Variants in PTPN12 observed in about 807,000 individuals in gnomAD.
PTPN12 encodes the protein tyrosine-protein phosphatase non-receptor type 12.
In PTPN12, 29 loss-of-function variants were observed where a neutral mutation model predicts 97.6. The observed-to-expected ratio is 0.30, with a 90% CI of 0.22 to 0.41. The LOEUF is 0.41. PTPN12 is among the 10% of genes least tolerant of loss of function. PTPN12 has a pLI of 1.00. For missense variants in PTPN12, 819 were observed against 926.0 expected (o/e 0.88, Z 1.50); for synonymous variants, 327 against 300.4 (o/e 1.09, Z -0.91).
Position 77,551,328 on chromosome 7 carries a change from T to A in PTPN12, c.99+13683T>A, listed in dbSNP as rs555874358. Among the ~76,000 whole-genome samples, 5 of 152,358 alleles carry A rather than the reference T, an allele frequency of 3.3e-5. No homozygotes were observed. The East Asian group carries it at 9.6e-4, about 29-fold the overall frequency. On this transcript the variant is annotated intron_variant, in intron 1 of 17. Coordinates refer to ENST00000248594, the MANE Select transcript of PTPN12 (RefSeq NM_002835.4). ...CACCCGCCTTGGCCTCCCAAAGTGC[T>A]GAGATTACAGGCATGACAGTTTAAC...
Position 77,546,674 on chromosome 7 carries a change from A to T in PTPN12, c.99+9029A>T, listed in dbSNP as rs553954526. 4.1e-4 allele frequency among the ~76,000 whole-genome samples: 62 copies of T among 152,324 alleles called. 1 individual carries two copies. Among genetic ancestry groups the T allele is most frequent in the African/African-American group, 1.4e-3 (59 of 41,576 alleles). ...GTGGACTGTATTAGTCCATTTTCAC[A>T]CTGCTATGAAGAACTGCCCGAGACT... On this transcript the variant is annotated intron_variant, in intron 1 of 17. Coordinates refer to ENST00000248594, the MANE Select transcript of PTPN12 (RefSeq NM_002835.4).
intron 17 of PTPN12, 151 bp from the exon 18 acceptor site, chr7:77,639,068 T>C: frequency 2.9e-6 from 2 of 683,440 alleles, no homozygotes; most frequent in African/African-American, 1.8e-5. Flanking sequence ...TACAATTGTT[T>C]TGCATTTACC....
intron 1 of PTPN12, among the ~76,000 whole-genome samples, chr7:77,561,357 T>A (rs1807986577): frequency 6.6e-6 from 1 of 152,192 alleles, no homozygotes; most frequent in Non-Finnish European, 1.5e-5. Context: ...AAGATTTTGA[T>A]GCCTGTTGGA....
intron 5 of PTPN12, among the ~76,000 whole-genome samples, chr7:77,591,385 A>G (rs1307060146): frequency 6.6e-6 from 1 of 152,144 alleles, no homozygotes; most frequent in African/African-American, 2.4e-5. Flanking sequence ...GAATCATTCT[A>G]TTTTCCATAA....
intron 1 of PTPN12, among the ~76,000 whole-genome samples, chr7:77,541,153 C>G (rs1157282535): frequency 6.6e-6 from 1 of 152,160 alleles, no homozygotes; most frequent in Admixed American, 6.5e-5. Flanking sequence ...TGCATGGTTG[C>G]GATCCTGGCT....
At chr7:77,608,355 G>A (rs988605819) in intron 9 of PTPN12, among the ~76,000 whole-genome samples, 1 of 152,172 alleles carries the variant, frequency 6.6e-6, no homozygotes, top group Non-Finnish European at 1.5e-5. Flanking sequence ...TTTATTGTTA[G>A]TGTTGATTAC....
intron 13 of PTPN12, among the ~76,000 whole-genome samples, chr7:77,628,227 C>G (rs1279124316): frequency 1.3e-5 from 2 of 152,138 alleles, no homozygotes; most frequent in African/African-American, 4.8e-5. Context: ...CTGCTCAATT[C>G]AGTAGTGAGT....
At position 77,537,494 on chromosome 7, in the gene PTPN12, G is replaced by A; in HGVS notation, c.-53G>A. On this transcript the variant is annotated 5_prime_UTR_variant, in exon 1 of 18. Coordinates refer to ENST00000248594, the MANE Select transcript of PTPN12 (RefSeq NM_002835.4). ...GGGAAGACGGAGCGGGCTCTGTGCC[G>A]GGCGGGCGGGCGGCGGGGGGGCCAG... The A allele has an allele frequency of 4.0e-6, 6 of 1,518,982 alleles. No individual in the cohort carries two copies. The highest frequency in any genetic ancestry group is 5.3e-6 in the Non-Finnish European group (6 of 1,132,068). The allele number at this position is 1,518,982 out of a possible 1,614,324, so 94.1% of individuals were successfully genotyped here. A position where few individuals can be genotyped will look rare whatever the true frequency, so the allele number is the denominator to read the frequency against.
Position 77,537,552 on chromosome 7 carries a change from G to C in PTPN12, c.6G>C (p.Glu2Asp). 1 of 1,596,054 alleles carries C rather than the reference G, an allele frequency of 6.3e-7. No homozygotes were observed. Residue 2 changes from glutamate to aspartate, a missense_variant, in exon 1 of 18, where the codon GAG (glutamate) becomes GAC (aspartate). Around this residue, in one of 5 missense-constraint regions of PTPN12, gnomAD observed 59 missense variants for 42.2 expected, o/e 1.40. Coordinates refer to ENST00000248594, the MANE Select transcript of PTPN12 (RefSeq NM_002835.4). ...AGCCGGGGGGACGCGGGAGGATGGA[G>C]CAAGTGGAGATCCTGAGGAAATTCA... M[E>D]QVEILRKFIQ...
chr7:77,588,959 A>G (rs1040371676), intron 5 of PTPN12, among the ~76,000 whole-genome samples: 1 of 152,074 alleles, frequency 6.6e-6, no homozygotes, highest in Admixed American at 6.6e-5. Flanking sequence ...TGCAACCTCC[A>G]TCTCCCGGGT....
chr7:77,577,923 G>A (rs1787390322), intron 2 of PTPN12, among the ~76,000 whole-genome samples: 2 of 152,074 alleles, frequency 1.3e-5, no homozygotes, highest in South Asian at 4.1e-4. Flanking sequence ...AAATAAGATT[G>A]GCAAAATGTT....
chr7:77,545,103 G>T (rs1209796888), intron 1 of PTPN12, among the ~76,000 whole-genome samples: 2 of 152,178 alleles, frequency 1.3e-5, no homozygotes, highest in African/African-American at 4.8e-5. Flanking sequence ...ATCATACTTT[G>T]TTGACATTGT....
chr7:77,588,971 C>T (rs1008763452), intron 5 of PTPN12, among the ~76,000 whole-genome samples: 1 of 152,090 alleles, frequency 6.6e-6, no homozygotes, highest in African/African-American at 2.4e-5. Context: ...CTCCCGGGTT[C>T]AGGTATATTT....
intron 1 of PTPN12, among the ~76,000 whole-genome samples, chr7:77,552,971 G>C (rs1016830552): frequency 1.3e-5 from 2 of 152,202 alleles, no homozygotes; most frequent in Non-Finnish European, 2.9e-5. Context: ...TAAATAAATA[G>C]GAGGGGAAAA....
intron 1 of PTPN12, among the ~76,000 whole-genome samples, chr7:77,560,370 T>A (rs917111441): frequency 1.6e-4 from 25 of 152,206 alleles, no homozygotes; most frequent in South Asian, 6.2e-4. Context: ...CCTTAAAAAA[T>A]TTTTTTTAAT....
At chr7:77,560,475 C>A (rs1188778833) in intron 1 of PTPN12, among the ~76,000 whole-genome samples, 1 of 152,112 alleles carries the variant, frequency 6.6e-6, no homozygotes, top group Non-Finnish European at 1.5e-5. Flanking sequence ...TGTTGTATAA[C>A]CAATCTCTAG....
chr7:77,567,820 A>G (rs1808322784), intron 1 of PTPN12, among the ~76,000 whole-genome samples: 1 of 152,230 alleles, frequency 6.6e-6, no homozygotes, highest in Non-Finnish European at 1.5e-5. Flanking sequence ...AATAGTTAAC[A>G]TTTATTGAGC....
At chr7:77,539,397 AT>A (rs1372093998) in intron 1 of PTPN12, among the ~76,000 whole-genome samples, 3 of 152,180 alleles carry the variant, frequency 2.0e-5, no homozygotes, top group Admixed American at 2.0e-4. Context: ...TAGCCTATGT[AT>A]TTTTGAAAAA....
At chr7:77,538,064 G>T in intron 1 of PTPN12, 1 of 997,496 alleles carries the variant, frequency 1.0e-6, no homozygotes, top group Non-Finnish European at 1.2e-6. Flanking sequence ...CTGTGACCGG[G>T]AGGAGTGCAG....
Sources: allele counts gnomAD v4.1 joint callset (sites outside exome capture counted in the v4.1 genomes callset), GRCh38; gene constraint gnomAD v4.1.1; regional missense constraint gnomAD v4.1.1; transcripts MANE v1.5; gene names NCBI Gene and HGNC (gene_info 2026-07-23, HGNC 2026-07-21).